The following ATP6V0A4 variants were observed in gnomAD, a reference collection of about 807,000 sequenced individuals.
ATP6V0A4 encodes the protein ATPase H+ transporting V0 subunit a4.
ATP6V0A4 carries 86 observed loss-of-function variants against 107.3 expected under a neutral mutation model. That is an observed-to-expected ratio of 0.80 (90% CI 0.67 to 0.96). The LOEUF is 0.96. Ranked by LOEUF, ATP6V0A4 falls within the 40% of genes least tolerant of loss-of-function variation. The pLI is 0.00. For synonymous variants in ATP6V0A4, 353 were observed against 381.4 expected (o/e 0.93, Z 0.87); for missense variants, 908 against 1,045.6 (o/e 0.87, Z 1.81).
At chr7:138,749,737 G>A (rs1443158977) in intron 11 of ATP6V0A4, among the ~76,000 whole-genome samples, 2 of 151,896 alleles carry the variant, frequency 1.3e-5, no homozygotes, top group Non-Finnish European at 2.9e-5. Context: ...CAAAATCCAG[G>A]AGTCTAATCC....
intron 1 of ATP6V0A4, among the ~76,000 whole-genome samples, chr7:138,795,851 T>C (rs1229490043): frequency 6.6e-6 from 1 of 152,078 alleles, no homozygotes; most frequent in Non-Finnish European, 1.5e-5. Context: ...GGCAGGGTCT[T>C]ACTATGTTGT....
Position 138,777,633 on chromosome 7 carries a change from T to A in ATP6V0A4, c.-17-6369A>T, listed in dbSNP as rs200738125. The stretch of plus-strand genomic sequence containing the variant: ...TCCGTCTCAAAAAAAAAAAAAAAAA[T>A]ACACACACACACACACACACACACA... On this transcript the variant is annotated intron_variant, in intron 2 of 21. Transcript: ENST00000310018. Among the ~76,000 whole-genome samples the A allele has an allele frequency of 5.1e-3, 541 of 106,298 alleles. 3 individuals are homozygous for A. Among genetic ancestry groups the A allele is most frequent in the East Asian group, 0.044 (131 of 2,944 alleles). 69.7% of individuals were successfully genotyped at this position (106,298 alleles called of 152,430 possible). A position where few individuals can be genotyped will look rare whatever the true frequency, so the allele number is the denominator to read the frequency against.
chr7:138,733,572 C>CTTTTTTTTTTT (rs3080537), intron 16 of ATP6V0A4, among the ~76,000 whole-genome samples: 1 of 87,076 alleles, frequency 1.1e-5, no homozygotes, highest in African/African-American at 4.3e-5. Flanking sequence ...AATGGTTTCT[C>CTTTTTTTTTTT]TTTTTTTTTT....
At chr7:138,785,197 C>G (rs1053354648) in intron 2 of ATP6V0A4, among the ~76,000 whole-genome samples, 1 of 152,088 alleles carries the variant, frequency 6.6e-6, no homozygotes, top group Admixed American at 6.5e-5. Flanking sequence ...TTTTTCTGAA[C>G]TGAATTCCCT....
Position 138,706,475 on chromosome 7 carries a change from A to C in ATP6V0A4, c.*149T>G, listed in dbSNP as rs1326835623. On this transcript the variant is annotated 3_prime_UTR_variant, in exon 22 of 22. Transcript: ENST00000310018. ...CGTGGTTAAGTCGTATCAAATCCAC[A>C]GGCTGACGTCCAAATAATACACAGT... The C allele has an allele frequency of 3.1e-6, 3 of 974,870 alleles. No homozygotes were observed. In the African/African-American group the frequency reaches 4.8e-5, roughly 16 times the overall value. The allele number at this position is 974,870 out of a possible 1,614,324, so 60.4% of individuals were successfully genotyped here.
chr7:138,709,906 G>T (rs1803651338), intron 20 of ATP6V0A4, 111 bp from the exon 21 acceptor site: 8 of 1,254,128 alleles, frequency 6.4e-6, no homozygotes, highest in South Asian at 1.6e-5. Context: ...TAGAGACAGG[G>T]TCTCACTCTG....
At chr7:138,761,461 C>T (rs1199129600) in intron 7 of ATP6V0A4, among the ~76,000 whole-genome samples, 3 of 151,968 alleles carry the variant, frequency 2.0e-5, no homozygotes, top group Admixed American at 6.6e-5. Context: ...GGTGAAACCC[C>T]GTCTCTACCA....
intron 18 of ATP6V0A4, among the ~76,000 whole-genome samples, chr7:138,724,757 C>T (rs886178650): frequency 4.6e-5 from 7 of 152,074 alleles, no homozygotes; most frequent in African/African-American, 1.7e-4. Flanking sequence ...CATTTCCAAC[C>T]CTAAACTCTA....
intron 11 of ATP6V0A4, among the ~76,000 whole-genome samples, chr7:138,750,262 T>C (rs560391340): frequency 6.6e-6 from 1 of 152,226 alleles, no homozygotes; most frequent in South Asian, 2.1e-4. Context: ...TTTTTCTTTT[T>C]CTTTTTTTTT....
chr7:138,714,238 GA>G (rs34018116), intron 20 of ATP6V0A4, among the ~76,000 whole-genome samples: 45 of 126,958 alleles, frequency 3.5e-4, no homozygotes, highest in South Asian at 8.0e-4. Flanking sequence ...CCTGTCTTAG[GA>G]AAAAAAAAAA....
chr7:138,742,638 T>C (rs1225887524), intron 14 of ATP6V0A4, among the ~76,000 whole-genome samples: 1 of 151,384 alleles, frequency 6.6e-6, no homozygotes, highest in Admixed American at 6.6e-5. Flanking sequence ...GATCTTCCTG[T>C]CTCAGCCTCC....
chr7:138,734,153 G>A lies in ATP6V0A4; in HGVS notation c.1674C>T (p.Leu558=), dbSNP rs547777494. The change falls in exon 16 of 22, where the codon CTC becomes CTT. Residue 558 remains leucine (L), a synonymous_variant. Coordinates refer to ENST00000310018, the MANE Select transcript of ATP6V0A4 (RefSeq NM_020632.3). The stretch of plus-strand genomic sequence containing the variant: ...AAACTTACATGTGATTGAAAAGGCT[G>A]AGGATGACACCGAAAACCATCTGGA... ...GIVQMVFGVI[L]SLFNHIYFRR... The A allele has an allele frequency of 2.5e-6, 4 of 1,612,892 alleles. No homozygotes were observed. The Admixed American group carries it at 5.0e-5, about 20-fold the overall frequency.
intron 18 of ATP6V0A4, among the ~76,000 whole-genome samples, chr7:138,724,274 A>T (rs1804596553): frequency 6.6e-6 from 1 of 151,944 alleles, no homozygotes; most frequent in African/African-American, 2.4e-5. Context: ...GGCTATGTTG[A>T]AATTCAGAAT....
chr7:138,737,573 CTTTTTCTTTTTTTTTT>C (rs1805405147), intron 15 of ATP6V0A4, among the ~76,000 whole-genome samples: 1 of 118,832 alleles, frequency 8.4e-6, no homozygotes, highest in South Asian at 2.7e-4. Context: ...TCCCGCTTTT[CTTTTTCTTTTTTTTTT>C]TTTTTTTTTT....
intron 1 of ATP6V0A4, among the ~76,000 whole-genome samples, chr7:138,788,531 G>C (rs186991937): frequency 6.6e-6 from 1 of 152,290 alleles, no homozygotes; most frequent in East Asian, 1.9e-4. Context: ...CATTTAAGCA[G>C]AAGTCCAACT....
intron 8 of ATP6V0A4, among the ~76,000 whole-genome samples, chr7:138,756,912 G>A (rs1806541599): frequency 6.6e-6 from 1 of 152,222 alleles, no homozygotes; most frequent in African/African-American, 2.4e-5. Flanking sequence ...TGGCTCACCA[G>A]AGTTAATTAA....
At chr7:138,785,338 T>C (rs918730184) in intron 2 of ATP6V0A4, among the ~76,000 whole-genome samples, 7 of 150,932 alleles carry the variant, frequency 4.6e-5, no homozygotes, top group Non-Finnish European at 8.9e-5. Context: ...TGTAGTGTCG[T>C]GATCTCAGCT....
At chr7:138,753,836 C>T (rs1367202843) in intron 10 of ATP6V0A4, among the ~76,000 whole-genome samples, 1 of 152,166 alleles carries the variant, frequency 6.6e-6, no homozygotes, top group Non-Finnish European at 1.5e-5. Flanking sequence ...ACAGAGGTGA[C>T]TTTCAGAAAC....
chr7:138,732,347 T>C (rs1805062541), intron 17 of ATP6V0A4, among the ~76,000 whole-genome samples: 1 of 152,116 alleles, frequency 6.6e-6, no homozygotes. Flanking sequence ...CTTTCATGTA[T>C]TACCCCAACA....
Sources: allele counts gnomAD v4.1 joint callset (sites outside exome capture counted in the v4.1 genomes callset), GRCh38; gene constraint gnomAD v4.1.1; transcripts MANE v1.5; gene names NCBI Gene and HGNC (gene_info 2026-07-23, HGNC 2026-07-21).